Variants in FRYL observed in about 807,000 individuals in gnomAD.
FRYL encodes FRY like transcription coactivator, also known as protein furry homolog-like.
Under a neutral mutation model 351.2 loss-of-function variants are expected in FRYL, and 150 were observed. The observed-to-expected ratio is 0.43, with a 90% CI of 0.37 to 0.49. FRYL has a LOEUF of 0.49. Ranked by LOEUF, FRYL falls within the 20% of genes least tolerant of loss-of-function variation. FRYL has a pLI of 0.00. For synonymous variants in FRYL, 1,153 were observed against 1,257.1 expected, an observed-to-expected ratio of 0.92 and a Z score of 1.75; for missense variants, 3,036 against 3,619.3, an observed-to-expected ratio of 0.84 and a Z score of 4.13.
At chr4:48,703,785 A>T (rs1767015590) in intron 2 of FRYL, among the ~76,000 whole-genome samples, 1 of 152,186 alleles carries the variant, frequency 6.6e-6, no homozygotes, top group Non-Finnish European at 1.5e-5. Flanking sequence ...CTCTTAGACC[A>T]TTCCCTGAGA....
At chr4:48,545,510 G>T (rs1731148190) in intron 42 of FRYL, among the ~76,000 whole-genome samples, 1 of 152,040 alleles carries the variant, frequency 6.6e-6, no homozygotes, top group Non-Finnish European at 1.5e-5. Flanking sequence ...CCTCCTCCCA[G>T]CTTAATGATT....
chr4:48,547,009 GA>G (rs796763379), intron 41 of FRYL, among the ~76,000 whole-genome samples: 6 of 151,352 alleles, frequency 4.0e-5, no homozygotes, highest in Non-Finnish European at 8.8e-5. Context: ...TTGCAATTTT[GA>G]AAAAAAAGTT....
chr4:48,719,337 C>T lies in FRYL; in HGVS notation c.-383-8639G>A, dbSNP rs1322400078. ...TATTCCATGTGGAATGCCCTCCCTT[C>T]GTTTCTATGTATTGAAATTCCTCTA... On this transcript the variant is annotated intron_variant, in intron 1 of 63. Transcript: ENST00000358350. Among the ~76,000 whole-genome samples, 3 of 151,568 alleles carry T rather than the reference C, an allele frequency of 2.0e-5. No individual in the cohort carries two copies. The Admixed American group carries it at 2.0e-4, about 10-fold the overall frequency.
At chr4:48,628,431 CGT>C (rs397993302) in intron 4 of FRYL, among the ~76,000 whole-genome samples, 1,509 of 144,716 alleles carry the variant, frequency 0.01, 20 homozygotes, top group African/African-American at 0.027. Flanking sequence ...CCTTCATTTG[CGT>C]GTGTGTGTGT....
chr4:48,743,434 G>A (rs1484548084), intron 1 of FRYL, among the ~76,000 whole-genome samples: 2 of 152,072 alleles, frequency 1.3e-5, no homozygotes, highest in African/African-American at 4.8e-5. Context: ...ACCTGATCAA[G>A]TTGAACCTCT....
chr4:48,564,157 T>C (rs1482160429), intron 30 of FRYL, 55 bp from the exon 31 acceptor site: 5 of 1,593,026 alleles, frequency 3.1e-6, no homozygotes, highest in Non-Finnish European at 4.3e-6. Context: ...TTTTTGTCTA[T>C]TTCCCTATAG....
At chr4:48,685,205 T>G (rs1765025253) in intron 2 of FRYL, among the ~76,000 whole-genome samples, 1 of 152,200 alleles carries the variant, frequency 6.6e-6, no homozygotes, top group Non-Finnish European at 1.5e-5. Context: ...TAAAAATAAG[T>G]TAATACCATT....
At chr4:48,503,459 A>G (rs1400680929) in intron 60 of FRYL, among the ~76,000 whole-genome samples, 5 of 152,224 alleles carry the variant, frequency 3.3e-5, no homozygotes, top group South Asian at 4.1e-4. Context: ...AATATACTTC[A>G]GTAAGTTTCA....
chr4:48,644,299 A>G (rs1755930757), intron 3 of FRYL, among the ~76,000 whole-genome samples: 1 of 152,150 alleles, frequency 6.6e-6, no homozygotes, highest in African/African-American at 2.4e-5. Flanking sequence ...TCTATATTAC[A>G]GTATACATGG....
intron 3 of FRYL, among the ~76,000 whole-genome samples, chr4:48,673,025 G>A (rs1017506418): frequency 2.6e-5 from 4 of 152,196 alleles, no homozygotes; most frequent in African/African-American, 7.2e-5. Context: ...GTGCTACATC[G>A]TGGGTTGTCC....
At position 48,553,367 on chromosome 4, in the gene FRYL, A is replaced by G. The variant is rs1733315900; in HGVS notation, c.4283T>C (p.Val1428Ala). The G allele has an allele frequency of 6.2e-7, 1 of 1,609,758 alleles. No individual in the cohort carries two copies. Among genetic ancestry groups the G allele is most frequent in the Non-Finnish European group, 8.5e-7 (1 of 1,178,580 alleles). The change falls in exon 36 of 64, where the codon GTA (valine) becomes GCA (alanine). Residue 1428 changes from valine to alanine, a missense_variant. Physicochemically the swap from Val to Ala is moderately conservative, Grantham distance 64. This residue lies in a region of FRYL where 1,987 missense variants were observed against 2,311.7 expected (regional missense o/e 0.86). Transcript: ENST00000358350. Reference sequence around the variant, plus strand: ...CATTGTTTTATCTCTACCTAAATATACAATGACCTTCTTCACCTGTCACAA... The same window carrying G: ...CATTGTTTTATCTCTACCTAAATATGCAATGACCTTCTTCACCTGTCACAA... The part of the protein sequence containing the change: ...SLLPYVKKVI[V>A]YLGRDKTMQL...
At chr4:48,514,953 C>T (rs7434721) in intron 56 of FRYL, 75 bp downstream of exon 56, 1,278,129 of 1,281,236 alleles carry the variant, frequency 1, 637,564 homozygotes, top group East Asian at 1. Context: ...TAAACTGAAA[C>T]AGAGGGGCAC....
At chr4:48,634,248 A>G in intron 4 of FRYL, 43 bp downstream of exon 4, 1 of 1,433,370 alleles carries the variant, frequency 7.0e-7, no homozygotes, top group Non-Finnish European at 9.8e-7. Context: ...GTTAATACAA[A>G]AGTCAAGAAA....
At chr4:48,526,403 G>C (rs191621814) in intron 53 of FRYL, among the ~76,000 whole-genome samples, 17 of 152,276 alleles carry the variant, frequency 1.1e-4, no homozygotes, top group Middle Eastern at 3.4e-3. Context: ...AAGACAACCA[G>C]GGTAATCCTA....
At chr4:48,730,998 G>A (rs528788650) in intron 1 of FRYL, among the ~76,000 whole-genome samples, 8 of 152,146 alleles carry the variant, frequency 5.3e-5, no homozygotes, top group African/African-American at 1.7e-4. Context: ...GCCACACATA[G>A]GCTCAAAATA....
intron 2 of FRYL, among the ~76,000 whole-genome samples, chr4:48,702,165 T>TA (rs1257183435): frequency 2.6e-5 from 4 of 151,948 alleles, no homozygotes; most frequent in Non-Finnish European, 4.4e-5. Flanking sequence ...GTTTTAAAAA[T>TA]AAAAAATAGG....
At chr4:48,510,762 T>G in intron 58 of FRYL, 73 bp downstream of exon 58, 1 of 1,186,170 alleles carries the variant, frequency 8.4e-7, no homozygotes, top group Non-Finnish European at 1.2e-6. Flanking sequence ...TCAGAATTAC[T>G]TAGAAAAAAA....
At chr4:48,756,105 T>G (rs1180943733) in intron 1 of FRYL, among the ~76,000 whole-genome samples, 1 of 151,646 alleles carries the variant, frequency 6.6e-6, no homozygotes, top group Non-Finnish European at 1.5e-5. Context: ...TGGTGGCACA[T>G]GCCTGTAGTC....
At chr4:48,666,403 ATAAATAAAT>A (rs1240727009) in intron 3 of FRYL, among the ~76,000 whole-genome samples, 1 of 110,714 alleles carries the variant, frequency 9.0e-6, no homozygotes, top group African/African-American at 2.8e-5. Context: ...AAATAAATAA[ATAAATAAAT>A]AAGAATTAGA....
Sources: gnomAD v4.1 joint callset for allele counts (sites outside exome capture counted in the v4.1 genomes callset) on GRCh38, gnomAD v4.1.1 for gene constraint, gnomAD v4.1.1 regional missense constraint, MANE v1.5 for transcripts, NCBI Gene and HGNC (gene_info 2026-07-23, HGNC 2026-07-21) for gene names.